CXCL13: variants seen among roughly 807,000 people sequenced by gnomAD.
CXCL13 encodes the protein C-X-C motif chemokine 13.
In CXCL13, 7 loss-of-function variants were observed where a neutral mutation model predicts 12.2. That is an observed-to-expected ratio of 0.57 (90% CI 0.33 to 1.07). CXCL13 has a LOEUF of 1.07. Among genes scored for constraint, CXCL13 ranks in the 50% least tolerant of loss-of-function variants. CXCL13 has a pLI of 0.04. For missense variants in CXCL13, 113 were observed against 127.4 expected (o/e 0.89, Z 0.55); for synonymous variants, 47 against 42.4 (o/e 1.11, Z -0.42).
At chr4:77,548,337 CA>C (rs1167914788) in intron 1 of CXCL13, among the ~76,000 whole-genome samples, 1 of 152,192 alleles carries the variant, frequency 6.6e-6, no homozygotes. Context: ...GCAGTATCTT[CA>C]ACACATTTGA....
At chr4:77,579,594 C>G (rs1726270580) in intron 1 of CXCL13, among the ~76,000 whole-genome samples, 2 of 152,186 alleles carry the variant, frequency 1.3e-5, no homozygotes, top group South Asian at 4.2e-4. Context: ...AGACACTCCT[C>G]TACTCTGTGG....
At chr4:77,596,046 TC>T (rs1302303552) in intron 1 of CXCL13, among the ~76,000 whole-genome samples, 1 of 152,224 alleles carries the variant, frequency 6.6e-6, no homozygotes, top group Non-Finnish European at 1.5e-5. Flanking sequence ...CTAATCATAC[TC>T]AACAAATTGT....
chr4:77,519,484 T>C (rs1724521255), intron 1 of CXCL13, among the ~76,000 whole-genome samples: 1 of 152,232 alleles, frequency 6.6e-6, no homozygotes, highest in South Asian at 2.1e-4. Context: ...ATGAGCATTT[T>C]TTCATGTGTC....
intron 2 of CXCL13, among the ~76,000 whole-genome samples, 164 bp downstream of exon 2, chr4:77,607,999 T>C (rs898754478): frequency 3.3e-5 from 5 of 152,238 alleles, no homozygotes; most frequent in Non-Finnish European, 4.4e-5. Context: ...AGAGCTTAGT[T>C]TGCAGCAGCC....
At chr4:77,608,297 G>A (rs554874685) in intron 2 of CXCL13, among the ~76,000 whole-genome samples, 4 of 152,202 alleles carry the variant, frequency 2.6e-5, no homozygotes, top group African/African-American at 4.8e-5. Context: ...AAAATTAGCC[G>A]GGTGTGGTGG....
At chr4:77,543,524 G>A (rs1005233721) in intron 1 of CXCL13, among the ~76,000 whole-genome samples, 1 of 151,950 alleles carries the variant, frequency 6.6e-6, no homozygotes, top group Non-Finnish European at 1.5e-5. Flanking sequence ...CATTGCTTTT[G>A]CTGTATCCCA....
chr4:77,555,522 A>G (rs1405679853), intron 1 of CXCL13, among the ~76,000 whole-genome samples: 2 of 152,108 alleles, frequency 1.3e-5, no homozygotes, highest in Admixed American at 1.3e-4. Flanking sequence ...GACTAATTAT[A>G]AATAGAATAG....
rs570776931 is a variant in CXCL13 at position 77,530,417 on chromosome 4, TG to T, written c.-43+18631del. On this transcript the variant is annotated intron_variant, in intron 1 of 4. Coordinates refer to the CXCL13 transcript ENST00000286758. ...AATCCATCTGGTCCTGGACTTTTTT[TG>T]GTTGGTAAGCTATTAATTATTGCAT... Among the ~76,000 whole-genome samples, 445 of 152,304 alleles carry T rather than the reference TG, an allele frequency of 2.9e-3. 2 individuals carry two copies. Among genetic ancestry groups the T allele is most frequent in the Non-Finnish European group, 3.2e-3 (217 of 68,028 alleles).
intron 1 of CXCL13, among the ~76,000 whole-genome samples, chr4:77,564,117 A>G (rs1725873267): frequency 6.6e-6 from 1 of 152,192 alleles, no homozygotes; most frequent in South Asian, 2.1e-4. Context: ...TCCCATTTGT[A>G]TTAATTAAAA....
At chr4:77,518,465 C>T (rs1724487890) in intron 1 of CXCL13, among the ~76,000 whole-genome samples, 1 of 152,158 alleles carries the variant, frequency 6.6e-6, no homozygotes, top group African/African-American at 2.4e-5. Flanking sequence ...TTCACATAGT[C>T]CCATATTTCT....
intron 1 of CXCL13, among the ~76,000 whole-genome samples, chr4:77,531,128 A>ATTT (rs1237738128): frequency 0.01 from 1,490 of 146,974 alleles, 60 homozygotes; most frequent in Middle Eastern, 0.026. Flanking sequence ...TATTATTATT[A>ATTT]TTATCATTAT....
chr4:77,561,238 AGG>A (rs931341945), intron 1 of CXCL13, among the ~76,000 whole-genome samples: 14 of 152,228 alleles, frequency 9.2e-5, no homozygotes, highest in African/African-American at 3.4e-4. Context: ...TGTTACCTGG[AGG>A]CCTGTTAGAA....
At chr4:77,517,219 A>G (rs976681695) in intron 1 of CXCL13, among the ~76,000 whole-genome samples, 3 of 152,124 alleles carry the variant, frequency 2.0e-5, no homozygotes, top group Non-Finnish European at 2.9e-5. Context: ...GGAGAGCTTT[A>G]CTTCCAACTA....
chr4:77,574,746 T>A (rs1476837772), intron 1 of CXCL13, among the ~76,000 whole-genome samples: 2 of 152,054 alleles, frequency 1.3e-5, no homozygotes, highest in East Asian at 3.9e-4. Flanking sequence ...TCTGCCTGTC[T>A]GTGTAGTTAG....
At chr4:77,517,638 T>G (rs1347033601) in intron 1 of CXCL13, among the ~76,000 whole-genome samples, 3 of 152,190 alleles carry the variant, frequency 2.0e-5, no homozygotes, top group African/African-American at 7.2e-5. Context: ...GCCCCTGCCT[T>G]TTTTTGTTTT....
At chr4:77,513,248 G>T (rs1413853498) in intron 1 of CXCL13, among the ~76,000 whole-genome samples, 1 of 152,082 alleles carries the variant, frequency 6.6e-6, no homozygotes, top group East Asian at 1.9e-4. Context: ...CCACAATAAA[G>T]CATGTGTCTT....
upstream of CXCL13, among the ~76,000 whole-genome samples, chr4:77,603,175 A>C (rs1265475718): frequency 6.6e-6 from 1 of 152,154 alleles, no homozygotes; most frequent in Non-Finnish European, 1.5e-5. Context: ...TTTTGCTCTC[A>C]CAAGAAAATA....
intron 1 of CXCL13, among the ~76,000 whole-genome samples, chr4:77,512,522 T>C (rs1724300790): frequency 1.3e-5 from 2 of 152,168 alleles, no homozygotes; most frequent in African/African-American, 4.8e-5. Context: ...GGCTTGTAAA[T>C]GGCTGTCTTC....
Position 77,530,023 on chromosome 4 carries a change from A to G in CXCL13, c.-43+18235A>G, listed in dbSNP as rs144418654. Among the ~76,000 whole-genome samples the G allele has an allele frequency of 9.8e-4, 150 of 152,322 alleles. 4 individuals carry two copies. The East Asian group carries it at 0.024, about 24-fold the overall frequency. ...TTTGTCAAAGGCCTTTCTTGCATCT[A>G]TTGAGATAATCATATGGTTTTTGTC... is the stretch of plus-strand genomic sequence containing the variant. On this transcript the variant is annotated intron_variant, in intron 1 of 4. Coordinates refer to the CXCL13 transcript ENST00000286758.
Sources: allele counts gnomAD v4.1 joint callset (sites outside exome capture counted in the v4.1 genomes callset), GRCh38; gene constraint gnomAD v4.1.1; transcripts MANE v1.5; gene names NCBI Gene and HGNC (gene_info 2026-07-23, HGNC 2026-07-21).